Variants in PCDH7 observed in about 807,000 individuals in gnomAD.
PCDH7 encodes the protein protocadherin 7.
A neutral mutation model predicts 58.9 loss-of-function variants in PCDH7; 17 were observed. The observed-to-expected ratio is 0.29, with a 90% CI of 0.20 to 0.43. The LOEUF is 0.43. Ranked by LOEUF, PCDH7 falls within the 20% of genes least tolerant of loss-of-function variation. The pLI is 1.00. For synonymous variants in PCDH7, 664 were observed against 616.4 expected (o/e 1.08, Z -1.14); for missense variants, 1,274 against 1,441.0 (o/e 0.88, Z 1.88).
chr4:30,730,837 T>C, exon 2 of PCDH7: 1 of 1,541,492 alleles, frequency 6.5e-7, no homozygotes, highest in Non-Finnish European at 8.7e-7. Flanking sequence ...GTGATGACCT[T>C]TCTACTCCGA....
chr4:30,947,231 T>C (rs1158826781), intron 2 of PCDH7, among the ~76,000 whole-genome samples: 1 of 152,152 alleles, frequency 6.6e-6, no homozygotes, highest in African/African-American at 2.4e-5. Flanking sequence ...AGACCAATAG[T>C]GTTTTCCATG....
chr4:31,089,824 G>A (rs1486945057), intron 3 of PCDH7, among the ~76,000 whole-genome samples: 1 of 151,994 alleles, frequency 6.6e-6, no homozygotes, highest in Non-Finnish European at 1.5e-5. Context: ...GAAGTATTAC[G>A]ACAAGGAAAA....
At chr4:31,073,973 T>C (rs1470964289) in intron 3 of PCDH7, among the ~76,000 whole-genome samples, 1 of 151,984 alleles carries the variant, frequency 6.6e-6, no homozygotes, top group Non-Finnish European at 1.5e-5. Flanking sequence ...ACTGCTTTTC[T>C]AGCTATTTTT....
At chr4:30,887,195 T>C (rs1212933931) in intron 1 of PCDH7, among the ~76,000 whole-genome samples, 1 of 152,144 alleles carries the variant, frequency 6.6e-6, no homozygotes, top group Non-Finnish European at 1.5e-5. Context: ...AGTAGTATGC[T>C]AAGGTAGCTA....
chr4:30,931,490 G>C (rs539809869), intron 2 of PCDH7, among the ~76,000 whole-genome samples: 1 of 152,014 alleles, frequency 6.6e-6, no homozygotes, highest in Non-Finnish European at 1.5e-5. Flanking sequence ...CAGGAGAATC[G>C]CTTGAACCCG....
intron 3 of PCDH7, among the ~76,000 whole-genome samples, chr4:31,139,904 G>A (rs1386660374): frequency 6.6e-6 from 1 of 152,172 alleles, no homozygotes; most frequent in African/African-American, 2.4e-5. Flanking sequence ...AATGACAGGA[G>A]ATCCTTATTA....
chr4:30,738,975 G>A (rs531611589), intron 1 of PCDH7, among the ~76,000 whole-genome samples: 3 of 151,584 alleles, frequency 2.0e-5, no homozygotes, highest in Admixed American at 6.6e-5. Flanking sequence ...TATTATGTAC[G>A]CATGCAATAC....
At chr4:30,935,541 C>A (rs186719734) in intron 2 of PCDH7, among the ~76,000 whole-genome samples, 2 of 152,220 alleles carry the variant, frequency 1.3e-5, no homozygotes, top group East Asian at 3.9e-4. Context: ...TTTAAGAAAC[C>A]TGCATATATT....
At chr4:30,979,325 CA>C (rs80272564) in intron 3 of PCDH7, among the ~76,000 whole-genome samples, 30,999 of 96,398 alleles carry the variant, frequency 0.32, 3,352 homozygotes, top group Middle Eastern at 0.43. Context: ...AACTCTGTCT[CA>C]AAAAAAAAAA....
intron 3 of PCDH7, among the ~76,000 whole-genome samples, chr4:31,130,416 T>C (rs1181771872): frequency 3.3e-5 from 5 of 152,140 alleles, no homozygotes; most frequent in African/African-American, 1.2e-4. Context: ...CAATGGGAAA[T>C]AAAAATCAGT....
At chr4:30,809,708 T>C (rs1726730172) in intron 1 of PCDH7, among the ~76,000 whole-genome samples, 1 of 152,234 alleles carries the variant, frequency 6.6e-6, no homozygotes, top group African/African-American at 2.4e-5. Flanking sequence ...GAATATTCAC[T>C]AACCTTCATC....
chr4:30,842,415 A>C (rs1417757583), intron 1 of PCDH7, among the ~76,000 whole-genome samples: 2 of 152,150 alleles, frequency 1.3e-5, no homozygotes, highest in African/African-American at 4.8e-5. Flanking sequence ...AGCACTTTTC[A>C]CATTTGAAAT....
intron 3 of PCDH7, among the ~76,000 whole-genome samples, chr4:31,107,761 C>A (rs6834145): frequency 1.4e-4 from 22 of 152,042 alleles, no homozygotes; most frequent in African/African-American, 5.1e-4. Flanking sequence ...AAAATATAGT[C>A]TTTGAAGTCA....
exon 2 of PCDH7, chr4:30,731,343 ATG>A (rs35139268): frequency 2.2e-4 from 34 of 152,264 alleles, no homozygotes; most frequent in African/African-American, 4.2e-4. Flanking sequence ...GTTTCCATAT[ATG>A]TGTGTGTGTG....
intron 3 of PCDH7, among the ~76,000 whole-genome samples, chr4:30,950,366 G>A (rs1747230654): frequency 6.6e-6 from 1 of 152,116 alleles, no homozygotes; most frequent in African/African-American, 2.4e-5. Context: ...GTTTCACCGT[G>A]TTATGTATTA....
At chr4:31,010,972 T>A (rs1578555203) in intron 3 of PCDH7, among the ~76,000 whole-genome samples, 1 of 152,128 alleles carries the variant, frequency 6.6e-6, no homozygotes, top group South Asian at 2.1e-4. Flanking sequence ...TTTCCCCCGA[T>A]AAATCTGTTG....
At chr4:30,942,005 C>T (rs1746098169) in intron 2 of PCDH7, among the ~76,000 whole-genome samples, 1 of 151,664 alleles carries the variant, frequency 6.6e-6, no homozygotes, top group South Asian at 2.1e-4. Context: ...GAGGTGGAGG[C>T]CTGTATTTAT....
chr4:30,849,996 A>T (rs1732507702), intron 1 of PCDH7, among the ~76,000 whole-genome samples: 1 of 152,288 alleles, frequency 6.6e-6, no homozygotes, highest in African/African-American at 2.4e-5. Context: ...ATTCTGCAAA[A>T]GAACCAGTCT....
At chr4:31,050,486 C>T (rs2109219625) in intron 3 of PCDH7, among the ~76,000 whole-genome samples, 1 of 152,200 alleles carries the variant, frequency 6.6e-6, no homozygotes, top group East Asian at 1.9e-4. Flanking sequence ...CAAGGACTGT[C>T]CTCTGTTCAG....
Sources: allele counts gnomAD v4.1 joint callset (sites outside exome capture counted in the v4.1 genomes callset), GRCh38; gene constraint gnomAD v4.1.1; transcripts MANE v1.5; gene names NCBI Gene and HGNC (gene_info 2026-07-23, HGNC 2026-07-21).